Variants in PKMYT1 observed in about 807,000 individuals in gnomAD.
The protein encoded by PKMYT1 is protein kinase, membrane associated tyrosine/threonine 1.
PKMYT1 carries 35 observed loss-of-function variants against 49.7 expected under a neutral mutation model. The observed-to-expected ratio is 0.70, with a 90% confidence interval of 0.54 to 0.93. The LOEUF (loss-of-function observed/expected upper bound fraction) is 0.93. PKMYT1 is among the 40% of genes least tolerant of loss of function. The pLI, the probability that PKMYT1 is intolerant of heterozygous loss-of-function variation, is 0.00. For missense variants in PKMYT1, 677 were observed against 673.1 expected, an observed-to-expected ratio of 1.01 and a Z score of -0.06; for synonymous variants, 331 against 287.6, an observed-to-expected ratio of 1.15 and a Z score of -1.53.
In PKMYT1 at chr16:2,975,998, G is replaced by C. The variant is rs115791764; in HGVS notation, c.379-186C>G. ...CAGACAAACCTCCATCCCTCGGGCT[G>C]GGTCTGTGGAGACCCAGCGACGGAG... On this transcript the variant is annotated intron_variant, in intron 3 of 8. Coordinates refer to ENST00000262300, the MANE Select transcript of PKMYT1 (RefSeq NM_004203.5). 1.1e-3 allele frequency: 755 copies of C among 667,970 alleles called. 5 individuals are homozygous for C. The African/African-American group carries it at 0.013, about 11-fold the overall frequency. 41.4% of individuals were successfully genotyped at this position (667,970 alleles called of 1,614,324 possible).
At position 2,977,268 on chromosome 16, in the gene PKMYT1, T is replaced by C. The variant is rs4149783; in HGVS notation, c.11-237A>G. Reference sequence around the variant, plus strand: ...TGATAGAAACATAAGAGGAAAACCATGGGGCCCGTGTTCTTGAGGGTCTTG... The same window carrying C: ...TGATAGAAACATAAGAGGAAAACCACGGGGCCCGTGTTCTTGAGGGTCTTG... On this transcript the variant is annotated intron_variant, in intron 2 of 8. Coordinates refer to ENST00000262300, the MANE Select transcript of PKMYT1 (RefSeq NM_004203.5). 8,781 of 1,362,598 alleles carry C rather than the reference T, an allele frequency of 6.4e-3. 428 individuals are homozygous for C. The African/African-American group carries it at 0.11, about 17-fold the overall frequency. 84.4% of individuals were successfully genotyped at this position (1,362,598 alleles called of 1,614,324 possible).
At chr16:2,979,416 T>C in intron 2 of PKMYT1, 1 of 567,942 alleles carries the variant, frequency 1.8e-6, no homozygotes, top group Non-Finnish European at 3.2e-6. Context: ...AGGGGAGCGA[T>C]GCTACCTGGG....
At chr16:2,977,794 A>G (rs932307357) in intron 2 of PKMYT1, among the ~76,000 whole-genome samples, 1 of 152,110 alleles carries the variant, frequency 6.6e-6, no homozygotes. Flanking sequence ...CCTCTCCCCC[A>G]GCTCCCCGTC....
intron 4 of PKMYT1, among the ~76,000 whole-genome samples, chr16:2,975,035 G>T (rs1393365044): frequency 6.6e-6 from 1 of 152,230 alleles, no homozygotes; most frequent in Admixed American, 6.5e-5. Context: ...CTAGCAGTGG[G>T]CTCCGGCAAG....
At position 2,975,755 on chromosome 16, in the gene PKMYT1, G is replaced by A. The variant is rs749476329; in HGVS notation, c.436C>T (p.Arg146Trp). 11 of 1,600,752 alleles carry A rather than the reference G, an allele frequency of 6.9e-6. 1 individual carries two copies. The highest frequency in any genetic ancestry group is 2.7e-5 in the African/African-American group (2 of 74,928). The part of the protein sequence containing the change: ...YAVKRSMSPF[R>W]GPKDRARKLA... ...TTGCGGGCCCGGTCCTTGGGGCCCC[G>A]GAATGGTGACATGGAACGCTTTACC... is the stretch of plus-strand genomic sequence containing the variant. The change falls in exon 4 of 9, where the codon CGG (arginine) becomes TGG (tryptophan). Residue 146 changes from arginine (R) to tryptophan (W), a missense_variant. Transcript: ENST00000262300.
chr16:2,977,652 A>T, intron 2 of PKMYT1: 2 of 240,000 alleles, frequency 8.3e-6, no homozygotes, highest in Non-Finnish European at 1.3e-5. Flanking sequence ...TTTACACAAG[A>T]AAACCTGCCA....
At position 2,979,729 on chromosome 16, in the gene PKMYT1, G is replaced by C. The variant is rs1446726006; in HGVS notation, c.-72C>G. On this transcript the variant is annotated 5_prime_UTR_variant, in exon 2 of 9. Coordinates refer to ENST00000262300, the MANE Select transcript of PKMYT1 (RefSeq NM_004203.5). ...AGCAGGGGCTCCCACGTGAATCCAGGGTGTCCCTGAGCTAAGGCCAGGCGG... is the reference window on the plus strand; with the variant it reads ...AGCAGGGGCTCCCACGTGAATCCAGCGTGTCCCTGAGCTAAGGCCAGGCGG... 6.2e-7 allele frequency: 1 copy of C among 1,609,316 alleles called. No homozygotes were observed. The highest frequency in any genetic ancestry group is 1.3e-5 in the African/African-American group (1 of 74,834).
chr16:2,979,556 G>A, intron 2 of PKMYT1, 92 bp downstream of exon 2: 3 of 1,042,010 alleles, frequency 2.9e-6, no homozygotes, highest in Non-Finnish European at 4.5e-6. Flanking sequence ...CTGGTCACAA[G>A]CACAGCCTCC....
At position 2,974,105 on chromosome 16, in the gene PKMYT1, C is replaced by T. The variant is rs551132715; in HGVS notation, c.1205G>A (p.Ser402Asn). Residue 402 changes from serine to asparagine, a missense_variant, in exon 7 of 9, where the codon AGC becomes AAC. Coordinates refer to ENST00000262300, the MANE Select transcript of PKMYT1 (RefSeq NM_004203.5). ...WLWHGLAHPASWLQPLGPPAT... is the reference protein window; with the variant it reads ...WLWHGLAHPANWLQPLGPPAT... ...TGGCGGGCCCAGGGGCTGTAGCCAG[C>T]TGGCAGGGTGAGCCAGCCCATGCCA... is the stretch of plus-strand genomic sequence containing the variant. The T allele has an allele frequency of 2.4e-5, 39 of 1,607,134 alleles. No individual in the cohort carries two copies. In the South Asian group the frequency reaches 3.7e-4, roughly 15 times the overall value.
rs1383554274 is a variant in PKMYT1 at position 2,973,008 on chromosome 16, G to A, written c.1445C>T (p.Ser482Phe). ...NSEPPRGSFPSFEPRNLLSLF... is the reference protein window; with the variant it reads ...NSEPPRGSFPFFEPRNLLSLF... ...GCTGAGGAGGTTCCGAGGCTCAAAGGAGGGGAAGGAGCCCCGAGGAGGCTC... is the reference window on the plus strand; with the variant it reads ...GCTGAGGAGGTTCCGAGGCTCAAAGAAGGGGAAGGAGCCCCGAGGAGGCTC... Residue 482 changes from serine to phenylalanine, a missense_variant, in exon 9 of 9, where the codon TCC (serine) becomes TTC (phenylalanine). Coordinates refer to ENST00000262300, the MANE Select transcript of PKMYT1 (RefSeq NM_004203.5). 1.2e-6 allele frequency: 2 copies of A among 1,610,566 alleles called. No individual in the cohort carries two copies. Among genetic ancestry groups the A allele is most frequent in the Non-Finnish European group, 1.7e-6 (2 of 1,179,268 alleles).
Position 2,976,943 on chromosome 16 carries a change from G to A in PKMYT1, c.99C>T (p.Arg33=). 1 of 1,550,976 alleles carries A rather than the reference G, an allele frequency of 6.4e-7. No individual in the cohort carries two copies. Among genetic ancestry groups the A allele is most frequent in the Non-Finnish European group, 8.7e-7 (1 of 1,145,726 alleles). Residue 33 remains arginine, a synonymous_variant, in exon 3 of 9, where the codon CGC becomes CGT. Coordinates refer to ENST00000262300, the MANE Select transcript of PKMYT1 (RefSeq NM_004203.5). ...TGAGGGAGAATCCAGGTTCTGCGTG[G>A]CGGAAGTAGGCTGGGACTGGGATGG... ...GTPIPVPAYF[R]HAEPGFSLKR...
rs1023195292 is a variant in PKMYT1 at position 2,976,754 on chromosome 16, C to T, written c.288G>A (p.Gly96=). ...AGGACTCTGGCCGGCTTGGGTCATACCCAGGGCTCTGCAGAGTCTCTGAGG... is the reference window on the plus strand; with the variant it reads ...AGGACTCTGGCCGGCTTGGGTCATATCCAGGGCTCTGCAGAGTCTCTGAGG... ...GEASETLQSP[G]YDPSRPESFF... Residue 96 remains glycine (G), a synonymous_variant, in exon 3 of 9, where the codon GGG becomes GGA. Transcript: ENST00000262300. 1.9e-6 allele frequency: 3 copies of T among 1,555,754 alleles called. No homozygotes were observed. The highest frequency in any genetic ancestry group is 2.7e-5 in the African/African-American group (2 of 73,164).
Position 2,973,246 on chromosome 16 carries a change from G to T in PKMYT1, c.1311-31C>A, listed in dbSNP as rs781243965. 28 of 1,481,980 alleles carry T rather than the reference G, an allele frequency of 1.9e-5. No individual in the cohort carries two copies. The South Asian group carries it at 3.9e-4, about 20-fold the overall frequency. The allele number at this position is 1,481,980 out of a possible 1,614,324, so 91.8% of individuals were successfully genotyped here. A position where few individuals can be genotyped will look rare whatever the true frequency, so the allele number is the denominator to read the frequency against. On this transcript the variant is annotated intron_variant, in intron 7 of 8. Coordinates refer to ENST00000262300, the MANE Select transcript of PKMYT1 (RefSeq NM_004203.5). ...GGAGGGCAGGCGAGACAAGGAGGGT[G>T]TCCAGGGCTAGGGAGTGCCGGATGA...
chr16:2,976,247 T>C lies in PKMYT1; in HGVS notation c.378+417A>G, dbSNP rs2072190212. On this transcript the variant is annotated intron_variant, in intron 3 of 8. Transcript: ENST00000262300. ...ACTCCTCTCTAAAAGAAAATATAAATGACTGGAAACTGTGTTTAAGAAAAG... is the reference window on the plus strand; with the variant it reads ...ACTCCTCTCTAAAAGAAAATATAAACGACTGGAAACTGTGTTTAAGAAAAG... Among the ~76,000 whole-genome samples the C allele has an allele frequency of 2.0e-5, 3 of 152,292 alleles. No individual in the cohort carries two copies. The South Asian group carries it at 6.2e-4, about 32-fold the overall frequency.
In PKMYT1 at chr16:2,975,612, G is replaced by T; in HGVS notation, c.579C>A (p.Ser193Arg). 6.2e-7 allele frequency: 1 copy of T among 1,611,422 alleles called. No homozygotes were observed. Residue 193 changes from serine (S) to arginine (R), a missense_variant, in exon 4 of 9, where the codon AGC (serine) becomes AGA (arginine). Transcript: ENST00000262300. ...LYLQTELCGP[S>R]LQQHCEAWGA... Reference sequence around the variant, plus strand: ...CCCAGGCCTCACAGTGTTGCTGCAGGCTGGGCCCGCACAGCTCCGTCTGCA... The same window carrying T: ...CCCAGGCCTCACAGTGTTGCTGCAGTCTGGGCCCGCACAGCTCCGTCTGCA...
rs2072114354 is a variant in PKMYT1, at chr16:2,974,269, C to G, written c.1128G>C (p.Leu376=). The G allele has an allele frequency of 6.4e-7, 1 of 1,572,158 alleles. No homozygotes were observed. The highest frequency in any genetic ancestry group is 1.2e-5 in the South Asian group (1 of 86,856). Residue 376 remains leucine, a synonymous_variant, in exon 6 of 9, where the codon CTG becomes CTC. Coordinates refer to ENST00000262300, the MANE Select transcript of PKMYT1 (RefSeq NM_004203.5). ...GVLWCMAAEA[L]SRGWALWQAL... is the part of the protein sequence containing the mutation. Reference sequence around the variant, plus strand: ...CCTGCCACAGGGCCCACCCTCGGCTCAGGGCCTCCGCTGCCATGCACCACA... The same window carrying G: ...CCTGCCACAGGGCCCACCCTCGGCTGAGGGCCTCCGCTGCCATGCACCACA...
intron 2 of PKMYT1, among the ~76,000 whole-genome samples, chr16:2,978,884 G>A (rs1040975443): frequency 2.0e-5 from 3 of 151,290 alleles, no homozygotes; most frequent in African/African-American, 7.3e-5. Flanking sequence ...TCGGCCCACT[G>A]CAGCCTCCGA....
chr16:2,973,764 C>G (rs937286113), intron 7 of PKMYT1, among the ~76,000 whole-genome samples: 1 of 152,170 alleles, frequency 6.6e-6, no homozygotes, highest in African/African-American at 2.4e-5. Context: ...GCGCGGCCAG[C>G]CACTCCCTGG....
Position 2,975,807 on chromosome 16 carries a change from G to T in PKMYT1, c.384C>A (p.Arg128=), listed in dbSNP as rs200886835. Reference sequence around the variant, plus strand: ...CATAGAGCCGGCCGTCCTCCTTGGAGCGCACCTGGAAGGGAGGTGGTACCC... The same window carrying T: ...CATAGAGCCGGCCGTCCTCCTTGGATCGCACCTGGAAGGGAGGTGGTACCC... ...HGSYGEVFKV[R]SKEDGRLYAV... Residue 128 remains arginine (R), a synonymous_variant, in exon 4 of 9, where the codon CGC becomes CGA. Coordinates refer to ENST00000262300, the MANE Select transcript of PKMYT1 (RefSeq NM_004203.5). 1 of 1,588,804 alleles carries T rather than the reference G, an allele frequency of 6.3e-7. No individual in the cohort carries two copies. Among genetic ancestry groups the T allele is most frequent in the Non-Finnish European group, 8.5e-7 (1 of 1,172,886 alleles).
Sources: allele counts gnomAD v4.1 joint callset (sites outside exome capture counted in the v4.1 genomes callset), GRCh38; gene constraint gnomAD v4.1.1; transcripts MANE v1.5; gene names NCBI Gene and HGNC (gene_info 2026-07-23, HGNC 2026-07-21).